The following STXBP6 variants were observed in gnomAD, a reference collection of about 807,000 sequenced individuals.
STXBP6 encodes syntaxin binding protein 6, also known as syntaxin-binding protein 6.
STXBP6 carries 21 observed loss-of-function variants against 26.9 expected under a neutral mutation model. The ratio of observed to expected loss-of-function variants is 0.78; its 90% CI spans 0.55 to 1.12. The LOEUF is 1.12. Ranked by LOEUF, STXBP6 falls within the 50% of genes most tolerant of loss-of-function variation. STXBP6 has a pLI of 0.00. For synonymous variants in STXBP6, 97 were observed against 92.6 expected, an observed-to-expected ratio of 1.05 and a Z score of -0.27; for missense variants, 232 against 257.9, an observed-to-expected ratio of 0.90 and a Z score of 0.69.
At chr14:24,847,075 T>A (rs1302965379) in intron 4 of STXBP6, among the ~76,000 whole-genome samples, 1 of 152,150 alleles carries the variant, frequency 6.6e-6, no homozygotes, top group Non-Finnish European at 1.5e-5. Flanking sequence ...GAGTGTGTAT[T>A]CTGAATGGCT....
chr14:24,923,384 T>C (rs2072049970), intron 2 of STXBP6, among the ~76,000 whole-genome samples: 1 of 152,218 alleles, frequency 6.6e-6, no homozygotes, highest in African/African-American at 2.4e-5. Context: ...TTTTTATTCA[T>C]TTTCCTATTC....
At chr14:25,032,513 C>T (rs764343915) in intron 1 of STXBP6, among the ~76,000 whole-genome samples, 3 of 152,188 alleles carry the variant, frequency 2.0e-5, no homozygotes, top group East Asian at 1.9e-4. Flanking sequence ...ATGGAAGGAT[C>T]GAGTGGAAAA....
chr14:24,821,026 T>A (rs1466403354), intron 4 of STXBP6, among the ~76,000 whole-genome samples: 1 of 152,106 alleles, frequency 6.6e-6, no homozygotes, highest in Non-Finnish European at 1.5e-5. Flanking sequence ...AAATTAAGAG[T>A]TATTACCCAT....
intron 2 of STXBP6, among the ~76,000 whole-genome samples, chr14:24,958,029 TC>T (rs1388404848): frequency 7.2e-5 from 11 of 152,290 alleles, no homozygotes; most frequent in Admixed American, 7.2e-4. Flanking sequence ...ATATCTGACT[TC>T]CAAGCATACA....
At chr14:24,828,809 G>C (rs752371428) in intron 4 of STXBP6, among the ~76,000 whole-genome samples, 2 of 152,296 alleles carry the variant, frequency 1.3e-5, no homozygotes, top group Non-Finnish European at 2.9e-5. Flanking sequence ...TAAGGTGCCT[G>C]TATGTTCACA....
intron 2 of STXBP6, among the ~76,000 whole-genome samples, chr14:24,939,104 CT>C (rs1409275747): frequency 2.0e-5 from 3 of 152,138 alleles, no homozygotes; most frequent in Non-Finnish European, 4.4e-5. Context: ...CATTTATTTG[CT>C]TTTGTCTGAT....
chr14:24,944,959 CTGT>C (rs1268440605), intron 2 of STXBP6, among the ~76,000 whole-genome samples: 1 of 152,000 alleles, frequency 6.6e-6, no homozygotes, highest in African/African-American at 2.4e-5. Flanking sequence ...CTTGTACTTC[CTGT>C]TGGCAACATG....
chr14:24,940,229 GA>G (rs1345177813), intron 2 of STXBP6, among the ~76,000 whole-genome samples: 1 of 152,190 alleles, frequency 6.6e-6, no homozygotes, highest in Non-Finnish European at 1.5e-5. Context: ...AAGGTATCGT[GA>G]CAGAATCTGG....
At position 25,024,910 on chromosome 14, in the gene STXBP6, G is replaced by T. The variant is rs552529045; in HGVS notation, c.-33+24968C>A. Among the ~76,000 whole-genome samples the T allele has an allele frequency of 7.2e-5, 11 of 152,240 alleles. No individual in the cohort carries two copies. In the East Asian group the frequency reaches 1.5e-3, roughly 21 times the overall value. ...ACTAAAACTTTCTTCTGTAATAAAT[G>T]ATGTCCATTTAATGATTTTTTTTGT... On this transcript the variant is annotated intron_variant, in intron 1 of 5. Transcript: ENST00000323944.
intron 2 of STXBP6, among the ~76,000 whole-genome samples, chr14:24,928,723 A>T (rs540319502): frequency 6.6e-6 from 1 of 152,204 alleles, no homozygotes; most frequent in Admixed American, 6.5e-5. Flanking sequence ...TCAGGCTTGC[A>T]GCTGTTCTAT....
chr14:24,996,272 T>C (rs2074599223), intron 1 of STXBP6, among the ~76,000 whole-genome samples: 1 of 152,242 alleles, frequency 6.6e-6, no homozygotes. Flanking sequence ...GGCTATTTAC[T>C]ATACTTATTT....
At chr14:24,917,115 C>T (rs983696121) in intron 2 of STXBP6, among the ~76,000 whole-genome samples, 2 of 151,830 alleles carry the variant, frequency 1.3e-5, no homozygotes, top group African/African-American at 4.8e-5. Flanking sequence ...CAATTGTGTC[C>T]CTGGTACACA....
intron 1 of STXBP6, among the ~76,000 whole-genome samples, chr14:25,023,155 T>G (rs1195561993): frequency 6.6e-6 from 1 of 152,228 alleles, no homozygotes; most frequent in African/African-American, 2.4e-5. Flanking sequence ...AGATATGCTC[T>G]TCTAACGTCT....
intron 2 of STXBP6, among the ~76,000 whole-genome samples, chr14:24,888,296 A>G (rs2070662661): frequency 6.6e-6 from 1 of 152,224 alleles, no homozygotes; most frequent in African/African-American, 2.4e-5. Context: ...AGGCACAAGA[A>G]AGCTAAAACC....
intron 2 of STXBP6, among the ~76,000 whole-genome samples, chr14:24,921,273 A>G (rs1477731023): frequency 1.3e-5 from 2 of 152,146 alleles, no homozygotes; most frequent in Non-Finnish European, 2.9e-5. Flanking sequence ...CCATTAATCA[A>G]CACAAACCTG....
intron 2 of STXBP6, among the ~76,000 whole-genome samples, chr14:24,926,943 A>AAT (rs1227848706): frequency 3.3e-5 from 5 of 152,144 alleles, no homozygotes; most frequent in African/African-American, 1.2e-4. Flanking sequence ...CTATTTAAAA[A>AAT]AAAAATAAAG....
chr14:25,023,843 G>A (rs1370073763), intron 1 of STXBP6, among the ~76,000 whole-genome samples: 2 of 152,104 alleles, frequency 1.3e-5, no homozygotes, highest in Non-Finnish European at 2.9e-5. Context: ...TCTTAGTACA[G>A]CCATAGTCTT....
At chr14:24,938,007 C>T (rs112940242) in intron 2 of STXBP6, among the ~76,000 whole-genome samples, 1,766 of 152,262 alleles carry the variant, frequency 0.012, 32 homozygotes, top group African/African-American at 0.039. Context: ...AAATCATATA[C>T]GAGCAATCTG....
chr14:24,981,084 C>T (rs2074179816), intron 1 of STXBP6, among the ~76,000 whole-genome samples: 1 of 152,156 alleles, frequency 6.6e-6, no homozygotes. Context: ...AATAAAAAGA[C>T]CCCAGAAACA....
Sources: gnomAD v4.1 joint callset for allele counts (sites outside exome capture counted in the v4.1 genomes callset) on GRCh38, gnomAD v4.1.1 for gene constraint, MANE v1.5 for transcripts, NCBI Gene and HGNC (gene_info 2026-07-23, HGNC 2026-07-21) for gene names.